CSMD2: variants seen among roughly 807,000 people sequenced by gnomAD.
CSMD2 encodes the protein CUB and sushi domain-containing protein 2.
Under a neutral mutation model 398.5 loss-of-function variants are expected in CSMD2, and 130 were observed. That is an observed-to-expected ratio of 0.33 (90% confidence interval 0.28 to 0.38). The LOEUF (loss-of-function observed/expected upper bound fraction) is 0.38, where lower values mean the gene tolerates loss of function less well. Ranked by LOEUF, CSMD2 falls within the 10% of genes least tolerant of loss-of-function variation. CSMD2 has a pLI of 1.00. For synonymous variants in CSMD2, 1,828 were observed against 1,908.5 expected, an observed-to-expected ratio of 0.96 and a Z score of 1.10; for missense variants, 3,829 against 4,764.9, an observed-to-expected ratio of 0.80 and a Z score of 5.78.
At chr1:33,786,695 T>C (rs778438064) in intron 12 of CSMD2, among the ~76,000 whole-genome samples, 2 of 152,238 alleles carry the variant, frequency 1.3e-5, no homozygotes, top group Non-Finnish European at 2.9e-5. Context: ...TGACCTGCCA[T>C]GGAGCTAGAA....
chr1:33,545,262 G>A (rs900490989), intron 57 of CSMD2, among the ~76,000 whole-genome samples: 3 of 152,172 alleles, frequency 2.0e-5, no homozygotes, highest in Non-Finnish European at 4.4e-5. Context: ...ACTGCAAGAG[G>A]AGAGAGAGAT....
At chr1:33,977,977 G>A (rs1646029384) in intron 3 of CSMD2, among the ~76,000 whole-genome samples, 1 of 127,074 alleles carries the variant, frequency 7.9e-6, no homozygotes, top group South Asian at 2.9e-4. Flanking sequence ...GGTGTGAGGT[G>A]GAGCACACCT....
intron 44 of CSMD2, among the ~76,000 whole-genome samples, chr1:33,590,990 T>TC (rs1252722259): frequency 2.1e-5 from 3 of 142,188 alleles, no homozygotes; most frequent in South Asian, 2.4e-4. Context: ...TCTTTTTTTT[T>TC]TTTTTTTTTT....
intron 10 of CSMD2, among the ~76,000 whole-genome samples, chr1:33,807,309 G>C (rs1322353499): frequency 2.6e-5 from 4 of 152,170 alleles, no homozygotes; most frequent in Non-Finnish European, 4.4e-5. Flanking sequence ...TATGCTTACA[G>C]ACTGGGTGAC....
intron 2 of CSMD2, among the ~76,000 whole-genome samples, chr1:34,057,602 A>T (rs1653988675): frequency 6.6e-6 from 1 of 152,094 alleles, no homozygotes; most frequent in East Asian, 1.9e-4. Flanking sequence ...TGCCAGACTC[A>T]GTCCTCCAGC....
chr1:33,619,934 T>G lies in CSMD2; in HGVS notation c.5827+2233A>C, dbSNP rs112266066. ...AAAACTCACTATTTAGTGCAGTAGTTGCAACTAACTAGACCTACTTATTGG... is the reference window on the plus strand; with the variant it reads ...AAAACTCACTATTTAGTGCAGTAGTGGCAACTAACTAGACCTACTTATTGG... On this transcript the variant is annotated intron_variant, in intron 37 of 70. Coordinates refer to ENST00000373381, the MANE Select transcript of CSMD2 (RefSeq NM_001281956.2). 8.6e-3 allele frequency among the ~76,000 whole-genome samples: 1,315 copies of G among 152,292 alleles called. 23 individuals carry two copies. The highest frequency in any genetic ancestry group is 0.029 in the African/African-American group (1,186 of 41,548).
chr1:33,995,468 C>A (rs1266123886), intron 3 of CSMD2, among the ~76,000 whole-genome samples: 1 of 152,182 alleles, frequency 6.6e-6, no homozygotes, highest in Non-Finnish European at 1.5e-5. Context: ...CCACTTGTTA[C>A]CAGCCCAGCA....
chr1:33,817,679 T>C (rs1477461772), intron 9 of CSMD2, among the ~76,000 whole-genome samples: 1 of 152,246 alleles, frequency 6.6e-6, no homozygotes, highest in Non-Finnish European at 1.5e-5. Context: ...ACAGACGTAC[T>C]GGCATCACTT....
At chr1:33,761,604 T>C (rs1205426354) in intron 13 of CSMD2, among the ~76,000 whole-genome samples, 3 of 152,120 alleles carry the variant, frequency 2.0e-5, no homozygotes, top group Non-Finnish European at 4.4e-5. Flanking sequence ...CCCTGGGTCT[T>C]TGAGGCACTC....
chr1:34,142,351 G>A (rs552767138), intron 1 of CSMD2, among the ~76,000 whole-genome samples: 16 of 152,070 alleles, frequency 1.1e-4, no homozygotes, highest in African/African-American at 2.4e-5. Flanking sequence ...GCCCAAGATC[G>A]GCTCTTCTCT....
chr1:33,898,396 A>T (rs926293603), intron 5 of CSMD2, among the ~76,000 whole-genome samples: 50 of 152,118 alleles, frequency 3.3e-4, no homozygotes, highest in Admixed American at 5.2e-4. Flanking sequence ...TTCCTTTTTT[A>T]AAAAAACTTA....
intron 5 of CSMD2, among the ~76,000 whole-genome samples, chr1:33,883,626 T>C (rs1426442318): frequency 6.6e-6 from 1 of 152,162 alleles, no homozygotes; most frequent in Non-Finnish European, 1.5e-5. Flanking sequence ...ATTTGTTTAG[T>C]TCAGAGAAGT....
chr1:33,521,126 G>A (rs892116106), intron 68 of CSMD2, among the ~76,000 whole-genome samples: 3 of 152,186 alleles, frequency 2.0e-5, no homozygotes, highest in Admixed American at 1.3e-4. Context: ...CCACAGTGTC[G>A]TTGTTTGTTG....
At chr1:34,018,379 C>T (rs1272996841) in intron 3 of CSMD2, among the ~76,000 whole-genome samples, 1 of 152,178 alleles carries the variant, frequency 6.6e-6, no homozygotes, top group Non-Finnish European at 1.5e-5. Flanking sequence ...CTTTCTTCTT[C>T]TGTTGAATTA....
intron 37 of CSMD2, among the ~76,000 whole-genome samples, chr1:33,618,291 C>A (rs865990123): frequency 6.6e-6 from 1 of 152,042 alleles, no homozygotes; most frequent in African/African-American, 2.4e-5. Flanking sequence ...CCGCTAAAAC[C>A]CTCCTTCATC....
At position 33,739,987 on chromosome 1, in the gene CSMD2, T is replaced by A. The variant is rs113065215; in HGVS notation, c.2174-653A>T. Among the ~76,000 whole-genome samples, 1,084 of 152,342 alleles carry A rather than the reference T, an allele frequency of 7.1e-3. 9 individuals are homozygous for A. Among genetic ancestry groups the A allele is most frequent in the Non-Finnish European group, 0.01 (684 of 68,032 alleles). Reference sequence around the variant, plus strand: ...CATGCTTTGCCTTTTATTCGTTACATGGTCCTGGACAACTTATGCAATTCT... The same window carrying A: ...CATGCTTTGCCTTTTATTCGTTACAAGGTCCTGGACAACTTATGCAATTCT... On this transcript the variant is annotated intron_variant, in intron 14 of 70. Coordinates refer to ENST00000373381, the MANE Select transcript of CSMD2 (RefSeq NM_001281956.2).
At chr1:33,774,000 C>A (rs565297798) in intron 12 of CSMD2, among the ~76,000 whole-genome samples, 67 of 152,272 alleles carry the variant, frequency 4.4e-4, no homozygotes, top group South Asian at 2.1e-4. Flanking sequence ...GCTCCAGGCA[C>A]TGCCTTTTAT....
At chr1:33,609,104 G>A (rs889005139) in intron 41 of CSMD2, among the ~76,000 whole-genome samples, 5 of 152,232 alleles carry the variant, frequency 3.3e-5, no homozygotes, top group African/African-American at 1.2e-4. Flanking sequence ...TTCCCTGGGT[G>A]TGGCAGCTGT....
At chr1:33,866,698 T>C (rs911210) in intron 5 of CSMD2, among the ~76,000 whole-genome samples, 127,503 of 152,258 alleles carry the variant, frequency 0.84, 53,909 homozygotes, top group African/African-American at 0.95. Context: ...CTTCCTGCCC[T>C]CTCCCTGCCT....
Sources: allele counts gnomAD v4.1 joint callset (sites outside exome capture counted in the v4.1 genomes callset), GRCh38; gene constraint gnomAD v4.1.1; transcripts MANE v1.5; gene names NCBI Gene and HGNC (gene_info 2026-07-23, HGNC 2026-07-21).